DPP10: variants seen among roughly 807,000 people sequenced by gnomAD.
DPP10 encodes the protein inactive dipeptidyl peptidase 10.
In DPP10, 33 loss-of-function variants were observed where a neutral mutation model predicts 120.9. That is an observed-to-expected ratio of 0.27 (90% CI 0.21 to 0.37). The LOEUF (loss-of-function observed/expected upper bound fraction) is 0.37, where lower values mean the gene tolerates loss of function less well. DPP10 is among the 10% of genes least tolerant of loss of function. The pLI is 1.00. For missense variants in DPP10, 816 were observed against 942.8 expected (o/e 0.87, Z 1.76); for synonymous variants, 337 against 326.1 (o/e 1.03, Z -0.36).
At chr2:115,160,523 A>C (rs1559161373) in intron 1 of DPP10, among the ~76,000 whole-genome samples, 1 of 152,068 alleles carries the variant, frequency 6.6e-6, no homozygotes, top group Non-Finnish European at 1.5e-5. Context: ...AGCCCAACTC[A>C]CTGCCACCCC....
rs148229422 is a variant in DPP10 at position 114,851,471 on chromosome 2, A to T, written c.60+408633A>T. Among the ~76,000 whole-genome samples, 12 of 152,290 alleles carry T rather than the reference A, an allele frequency of 7.9e-5. 3 individuals carry two copies. The highest frequency in any genetic ancestry group is 2.9e-4 in the African/African-American group (12 of 41,564). ...TTTATAGGAGCTATTTGCATTTTGG[A>T]TTGCTAATTTCATTTACTCAACAAG... On this transcript the variant is annotated intron_variant, in intron 1 of 25. Coordinates refer to ENST00000410059, the MANE Select transcript of DPP10 (RefSeq NM_020868.6).
intron 12 of DPP10, among the ~76,000 whole-genome samples, chr2:115,767,188 C>T (rs866326978): frequency 7.2e-5 from 11 of 151,960 alleles, no homozygotes; most frequent in Admixed American, 7.2e-4. Context: ...CAAGGGAATA[C>T]AAAGTACAAG....
chr2:114,878,509 A>G (rs1691340144), intron 1 of DPP10, among the ~76,000 whole-genome samples: 1 of 152,104 alleles, frequency 6.6e-6, no homozygotes, highest in African/African-American at 2.4e-5. Context: ...ACTGTGCTAT[A>G]GAACACTAAA....
chr2:114,554,175 C>T (rs1688103725), intron 1 of DPP10, among the ~76,000 whole-genome samples: 1 of 152,214 alleles, frequency 6.6e-6, no homozygotes, highest in African/African-American at 2.4e-5. Flanking sequence ...CCCATGCTTT[C>T]CTCTCTGACC....
chr2:115,718,501 T>C (rs1203137814), intron 7 of DPP10, among the ~76,000 whole-genome samples: 1 of 152,190 alleles, frequency 6.6e-6, no homozygotes, highest in Non-Finnish European at 1.5e-5. Flanking sequence ...TTCTTAGATC[T>C]CTTTTTTTCT....
intron 1 of DPP10, among the ~76,000 whole-genome samples, chr2:114,566,954 G>T (rs970895217): frequency 3.3e-5 from 5 of 152,140 alleles, no homozygotes; most frequent in Non-Finnish European, 7.3e-5. Context: ...CAAAAATTAT[G>T]TGACTGATTT....
chr2:115,318,793 T>C (rs1427292127), intron 2 of DPP10, among the ~76,000 whole-genome samples: 1 of 152,140 alleles, frequency 6.6e-6, no homozygotes, highest in East Asian at 1.9e-4. Flanking sequence ...AATCATCTAT[T>C]AGCTTTAGTA....
intron 1 of DPP10, among the ~76,000 whole-genome samples, chr2:114,865,377 G>C (rs1022933965): frequency 6.6e-6 from 1 of 152,198 alleles, no homozygotes; most frequent in Non-Finnish European, 1.5e-5. Context: ...ATAAAGAAAT[G>C]AGTATTTGCT....
intron 13 of DPP10, among the ~76,000 whole-genome samples, chr2:115,772,934 A>G (rs534495874): frequency 1.3e-5 from 2 of 152,270 alleles, no homozygotes; most frequent in East Asian, 1.9e-4. Context: ...GGGTGAATCC[A>G]TTCACTTTCT....
intron 1 of DPP10, among the ~76,000 whole-genome samples, chr2:115,004,977 C>A (rs1443007860): frequency 1.3e-5 from 2 of 152,088 alleles, no homozygotes; most frequent in Non-Finnish European, 2.9e-5. Context: ...TGTCTGACAG[C>A]TTTGAAGAGA....
At chr2:115,393,206 G>A (rs141304065) in intron 3 of DPP10, among the ~76,000 whole-genome samples, 6 of 151,828 alleles carry the variant, frequency 4.0e-5, no homozygotes, top group Non-Finnish European at 7.4e-5. Flanking sequence ...CCAGCTGCTC[G>A]GGAGGCTGAG....
chr2:115,094,220 T>A (rs1447634009), intron 1 of DPP10, among the ~76,000 whole-genome samples: 5 of 152,178 alleles, frequency 3.3e-5, no homozygotes, highest in Admixed American at 2.6e-4. Flanking sequence ...AACGTGTCAT[T>A]TAAGTAGGCT....
intron 1 of DPP10, among the ~76,000 whole-genome samples, chr2:115,185,224 G>C (rs1267106583): frequency 3.0e-5 from 4 of 134,868 alleles, no homozygotes; most frequent in African/African-American, 5.4e-5. Flanking sequence ...CGCTTTTATA[G>C]TTAGAGAAGG....
chr2:114,718,614 G>A (rs1324569873), intron 1 of DPP10, among the ~76,000 whole-genome samples: 2 of 152,094 alleles, frequency 1.3e-5, no homozygotes, highest in African/African-American at 2.4e-5. Context: ...GACACCTTTA[G>A]TAGCAGTAAA....
At chr2:114,578,412 T>C (rs1049608105) in intron 1 of DPP10, among the ~76,000 whole-genome samples, 2 of 152,238 alleles carry the variant, frequency 1.3e-5, no homozygotes, top group African/African-American at 4.8e-5. Context: ...CACATTTTTA[T>C]GGTCCATTTC....
chr2:115,771,229 C>T (rs1435462760), intron 13 of DPP10, among the ~76,000 whole-genome samples: 2 of 151,994 alleles, frequency 1.3e-5, no homozygotes, highest in Admixed American at 6.6e-5. Context: ...CACCCGCCAT[C>T]ATGCCTGGCT....
chr2:115,253,484 C>G (rs1299862633), intron 1 of DPP10, among the ~76,000 whole-genome samples: 3 of 152,122 alleles, frequency 2.0e-5, no homozygotes, highest in African/African-American at 4.8e-5. Flanking sequence ...AGGTGAGTCC[C>G]TTACACCTAT....
At chr2:114,769,125 G>T (rs1426001556) in intron 1 of DPP10, among the ~76,000 whole-genome samples, 1 of 152,156 alleles carries the variant, frequency 6.6e-6, no homozygotes, top group African/African-American at 2.4e-5. Context: ...AAGAAATACA[G>T]TTTGAAGTTT....
intron 1 of DPP10, among the ~76,000 whole-genome samples, chr2:114,733,964 C>T (rs1444910765): frequency 1.3e-5 from 2 of 151,866 alleles, no homozygotes; most frequent in East Asian, 1.9e-4. Context: ...TTTTATTTGC[C>T]CAAATTTCTA....
Sources: gnomAD v4.1 joint callset for allele counts (sites outside exome capture counted in the v4.1 genomes callset) on GRCh38, gnomAD v4.1.1 for gene constraint, MANE v1.5 for transcripts, NCBI Gene and HGNC (gene_info 2026-07-23, HGNC 2026-07-21) for gene names.